NCOR2: variants seen among roughly 807,000 people sequenced by gnomAD.
NCOR2 encodes the protein CTG repeat protein 26.
Under a neutral mutation model 262.9 loss-of-function variants are expected in NCOR2, and 81 were observed. That is an observed-to-expected ratio of 0.31 (90% CI 0.26 to 0.37). The LOEUF (loss-of-function observed/expected upper bound fraction) is 0.37. Ranked by LOEUF, NCOR2 falls within the 10% of genes least tolerant of loss-of-function variation. The pLI, the probability that NCOR2 is intolerant of heterozygous loss-of-function variation, is 1.00. For missense variants in NCOR2, 3,385 were observed against 3,621.4 expected (o/e 0.93, Z 1.68); for synonymous variants, 1,659 against 1,559.3 (o/e 1.06, Z -1.51).
chr12:124,325,380 C>G lies in NCOR2; in HGVS notation c.*22G>C, dbSNP rs775583330. On this transcript the variant is annotated 3_prime_UTR_variant, in exon 47 of 47. Transcript: ENST00000405201. Reference sequence around the variant, plus strand: ...TGGCTCGCTGGGACCTGACACCGCCCCCCCCCCCGCCCTGTTCTGAGTCAC... The same window carrying G: ...TGGCTCGCTGGGACCTGACACCGCCGCCCCCCCCGCCCTGTTCTGAGTCAC... The G allele has an allele frequency of 1.1e-4, 37 of 327,248 alleles. 5 individuals carry two copies. In the African/African-American group the frequency reaches 1.2e-3, roughly 11 times the overall value. The allele number at this position is 327,248 out of a possible 1,614,324, so 20.3% of individuals were successfully genotyped here. A position where few individuals can be genotyped will look rare whatever the true frequency, so the allele number is the denominator to read the frequency against.
chr12:124,328,475 G>T (rs555993955), intron 44 of NCOR2: 1 of 152,516 alleles, frequency 6.6e-6, no homozygotes, highest in African/African-American at 2.4e-5. Context: ...GATGCTTCCA[G>T]AACACCTCCT....
intron 16 of NCOR2, chr12:124,388,853 T>C: frequency 2.0e-6 from 2 of 992,228 alleles, no homozygotes; most frequent in East Asian, 6.8e-5. Flanking sequence ...CACATCCTTC[T>C]CCGTCCCACG....
At chr12:124,330,999 G>C in intron 43 of NCOR2, 101 bp from the exon 46 acceptor site, 1 of 1,277,734 alleles carries the variant, frequency 7.8e-7, no homozygotes, top group Non-Finnish European at 1.1e-6. Context: ...GCATCACCTG[G>C]GGAAACTTGT....
chr12:124,396,375 C>A (rs1183200817), intron 16 of NCOR2, among the ~76,000 whole-genome samples: 1 of 152,170 alleles, frequency 6.6e-6, no homozygotes, highest in East Asian at 1.9e-4. Context: ...TAAAAGGCGG[C>A]GGGAATCACA....
intron 1 of NCOR2, among the ~76,000 whole-genome samples, chr12:124,502,049 G>A (rs755468683): frequency 6.6e-6 from 1 of 152,206 alleles, no homozygotes; most frequent in Non-Finnish European, 1.5e-5. Context: ...TAAAAACTGG[G>A]GAACTGGCCA....
At chr12:124,472,722 A>C (rs1248724100) in intron 4 of NCOR2, among the ~76,000 whole-genome samples, 1 of 152,258 alleles carries the variant, frequency 6.6e-6, no homozygotes, top group African/African-American at 2.4e-5. Context: ...CGCAGTAGGC[A>C]CATTTCAAAT....
intron 9 of NCOR2, 30 bp from the exon 12 acceptor site, chr12:124,429,736 G>A (rs762212165): frequency 6.3e-5 from 98 of 1,565,476 alleles, no homozygotes; most frequent in Non-Finnish European, 8.0e-5. Flanking sequence ...ACTCAGGACC[G>A]GTCTTCTGGT....
rs1048056736 is a variant in NCOR2, at chr12:124,350,847, C to G, written c.3694-110G>C. On this transcript the variant is annotated intron_variant, in intron 27 of 46. Transcript: ENST00000405201. ...GCCCATGTGCCCACCGATGCACACG[C>G]GTGTCCACACACACACTGTCTCAAA... 6.3e-6 allele frequency: 7 copies of G among 1,105,094 alleles called. No homozygotes were observed. The African/African-American group carries it at 9.4e-5, about 15-fold the overall frequency. 68.5% of individuals were successfully genotyped at this position (1,105,094 alleles called of 1,614,324 possible). A position where few individuals can be genotyped will look rare whatever the true frequency, so the allele number is the denominator to read the frequency against.
intron 32 of NCOR2, among the ~76,000 whole-genome samples, chr12:124,343,978 G>A (rs2036690261): frequency 6.6e-6 from 1 of 152,130 alleles, no homozygotes. Context: ...GGAGATAGGG[G>A]GTCTGGTTAG....
rs749690893 is a variant in NCOR2 at position 124,483,768 on chromosome 12, T to G, written c.239A>C (p.Gln80Pro). 2 of 1,600,056 alleles carry G rather than the reference T, an allele frequency of 1.2e-6. No individual in the cohort carries two copies. Among genetic ancestry groups the G allele is most frequent in the South Asian group, 1.1e-5 (1 of 88,928 alleles). Residue 80 changes from glutamine to proline, a missense_variant, in exon 3 of 47, where the codon CAG becomes CCG. Gln to Pro is a moderately conservative substitution (Grantham distance 76, BLOSUM62 -1). Coordinates refer to ENST00000405201, the Ensembl canonical transcript of NCOR2. This position sits in a 1 kb window ranked among gnomAD's most constrained non-coding sequence, Gnocchi z 6.3. Reference sequence around the variant, plus strand: ...GGACTCTGGCCGCAGGTGGAGCTCCTGGGACCTGCAGGAGGTGAGGCATCC... The same window carrying G: ...GGACTCTGGCCGCAGGTGGAGCTCCGGGGACCTGCAGGAGGTGAGGCATCC...
chr12:124,468,578 C>T, intron 4 of NCOR2, among the ~76,000 whole-genome samples: 1 of 17,194 alleles, frequency 5.8e-5, no homozygotes, highest in Non-Finnish European at 1.4e-4. Flanking sequence ...TCCTCATCCT[C>T]ATCACCCCCA....
chr12:124,428,858 C>T (rs1229208863), intron 10 of NCOR2, among the ~76,000 whole-genome samples: 1 of 152,238 alleles, frequency 6.6e-6, no homozygotes, highest in Non-Finnish European at 1.5e-5. Flanking sequence ...AGAAACGTGC[C>T]GTGGCTGCCT....
At chr12:124,403,837 G>T (rs1178590491) in intron 13 of NCOR2, among the ~76,000 whole-genome samples, 1 of 152,206 alleles carries the variant, frequency 6.6e-6, no homozygotes, top group Non-Finnish European at 1.5e-5. Context: ...ACTGCTGCAG[G>T]CAACCGTGGG....
At chr12:124,506,449 A>G (rs1350369488) in intron 1 of NCOR2, among the ~76,000 whole-genome samples, 1 of 151,712 alleles carries the variant, frequency 6.6e-6, no homozygotes, top group Non-Finnish European at 1.5e-5. Flanking sequence ...CGCCACGGCG[A>G]AGTATGCTCA....
chr12:124,354,226 C>G (rs1244082), intron 26 of NCOR2, 30 bp from the exon 29 acceptor site: 1,552,905 of 1,556,928 alleles, frequency 1, 774,528 homozygotes, highest in East Asian at 1. Context: ...GGGCTGAGGG[C>G]GTGTCTGTGG....
exon 34 of NCOR2, chr12:124,342,069 C>T (rs750582314): frequency 1.2e-6 from 2 of 1,607,428 alleles, no homozygotes; most frequent in Non-Finnish European, 1.7e-6. Flanking sequence ...AGGTAGTAGG[C>T]AGCGGCTGCG....
rs533743139 is a variant in NCOR2, at chr12:124,381,444, T to C, written c.2020-3060A>G. ...AGCATCTTCAGACTCCATTCTGAAATTGAGTGTGTGAACCTGTCTCTCGCA... is the reference window on the plus strand; with the variant it reads ...AGCATCTTCAGACTCCATTCTGAAACTGAGTGTGTGAACCTGTCTCTCGCA... On this transcript the variant is annotated intron_variant, in intron 17 of 46. Transcript: ENST00000405201. Among the ~76,000 whole-genome samples the C allele has an allele frequency of 5.9e-5, 9 of 151,810 alleles. No homozygotes were observed. In the East Asian group the frequency reaches 1.2e-3, roughly 20 times the overall value.
chr12:124,442,114 A>G (rs2044844781), intron 7 of NCOR2, among the ~76,000 whole-genome samples: 1 of 151,988 alleles, frequency 6.6e-6, no homozygotes, highest in South Asian at 2.1e-4. Flanking sequence ...ATGTGCCACT[A>G]TTTCTTTCTT....
intron 4 of NCOR2, among the ~76,000 whole-genome samples, chr12:124,467,929 C>A (rs1213452583): frequency 1.8e-4 from 1 of 5,536 alleles, no homozygotes; most frequent in Non-Finnish European, 3.5e-4. Context: ...ATCCTTATCA[C>A]CCCCCTCATC....
Sources: allele counts gnomAD v4.1 joint callset (sites outside exome capture counted in the v4.1 genomes callset), GRCh38; gene constraint gnomAD v4.1.1; non-coding constraint Gnocchi (gnomAD v3.1); transcripts MANE v1.5; gene names NCBI Gene and HGNC (gene_info 2026-07-23, HGNC 2026-07-21).